Variants in STAT6 observed in about 807,000 individuals in gnomAD.
The protein encoded by STAT6 is signal transducer and activator of transcription 6.
A neutral mutation model predicts 106.3 loss-of-function variants in STAT6; 45 were observed. The observed-to-expected ratio is 0.42, with a 90% CI of 0.33 to 0.54. The LOEUF (loss-of-function observed/expected upper bound fraction) is 0.54. Among genes scored for constraint, STAT6 ranks in the 20% least tolerant of loss-of-function variants. The probability of loss-of-function intolerance (pLI) is 0.06; values close to 1 mark genes in which losing one functional copy is unlikely to be tolerated. For synonymous variants in STAT6, 413 were observed against 413.6 expected, an observed-to-expected ratio of 1.00 and a Z score of 0.02; for missense variants, 797 against 1,062.2, an observed-to-expected ratio of 0.75 and a Z score of 3.47.
chr12:57,105,000 G>A, intron 9 of STAT6, 151 bp downstream of exon 9: 2 of 1,205,610 alleles, frequency 1.7e-6, no homozygotes, highest in Admixed American at 2.3e-5. Flanking sequence ...GCCCTAAATG[G>A]GTCCCTCCCT....
intron 11 of STAT6, 72 bp downstream of exon 11, chr12:57,104,392 C>T: frequency 2.6e-6 from 4 of 1,552,114 alleles, no homozygotes; most frequent in Non-Finnish European, 3.5e-6. Flanking sequence ...GGTGAGGGTC[C>T]AGGGCCCTTG....
rs368586445 is a variant in STAT6 at position 57,099,909 on chromosome 12, C to G, written c.1608-6G>C. 8.7e-6 allele frequency: 14 copies of G among 1,613,960 alleles called. No individual in the cohort carries two copies. Among genetic ancestry groups the G allele is most frequent in the Non-Finnish European group, 1.1e-5 (13 of 1,180,028 alleles). The stretch of plus-strand genomic sequence containing the variant: ...TGATGAAGCCAATGATCAGCCTGGC[C>G]GGGATGAAGGAGAGGATGGGGCATG... On this transcript the variant is annotated splice_region_variant and splice_polypyrimidine_tract_variant and intron_variant, in intron 14 of 21. Transcript: ENST00000300134. The surrounding 1 kb of genome is among the most constrained non-coding windows in gnomAD (Gnocchi z 4.7).
intron 1 of STAT6, among the ~76,000 whole-genome samples, chr12:57,109,112 G>A (rs1425801223): frequency 6.6e-6 from 1 of 152,188 alleles, no homozygotes; most frequent in Non-Finnish European, 1.5e-5. Context: ...TGAGGTGACA[G>A]AATGGCGTGA....
At chr12:57,098,475 G>A (rs2136564350) in intron 19 of STAT6, 30 bp downstream of exon 19, 1 of 1,605,960 alleles carries the variant, frequency 6.2e-7, no homozygotes, top group East Asian at 2.2e-5. Context: ...CTTAGAGTGG[G>A]ATGGTATCCC....
chr12:57,096,416 A>G lies in STAT6; in HGVS notation c.*156T>C. On this transcript the variant is annotated 3_prime_UTR_variant, in exon 22 of 22. Transcript: ENST00000300134. ...AGTGGATTGGCTCCACCCACTGTGC[A>G]TTCTCCTGTTAGTCTTTTCCTCCTG... 1.4e-6 allele frequency: 1 copy of G among 692,854 alleles called. No individual in the cohort carries two copies. The highest frequency in any genetic ancestry group is 1.9e-5 in the South Asian group (1 of 51,398). The allele number at this position is 692,854 out of a possible 1,614,324, so 42.9% of individuals were successfully genotyped here.
chr12:57,100,694 A>G (rs201929875), intron 13 of STAT6, among the ~76,000 whole-genome samples: 79 of 28,968 alleles, frequency 2.7e-3, no homozygotes, highest in Admixed American at 0.017. Context: ...GAAAGAAAGA[A>G]AGAAAGAGAA....
rs764691306 is a variant in STAT6 at position 57,099,279 on chromosome 12, C to T, written c.1891+15G>A. The T allele has an allele frequency of 6.9e-5, 112 of 1,613,838 alleles. 3 individuals carry two copies. In the South Asian group the frequency reaches 1.2e-3, roughly 17 times the overall value. Reference sequence around the variant, plus strand: ...GGGTGACAGGAAGGAATCAGAGCTGCCAGTTCCAGCTCACGCTTGTAGTGG... The same window carrying T: ...GGGTGACAGGAAGGAATCAGAGCTGTCAGTTCCAGCTCACGCTTGTAGTGG... On this transcript the variant is annotated intron_variant, in intron 16 of 21. Transcript: ENST00000300134. The surrounding 1 kb of genome is among the most constrained non-coding windows in gnomAD (Gnocchi z 4.7).
Position 57,106,879 on chromosome 12 carries a change from C to T in STAT6, c.340-48G>A, listed in dbSNP as rs140327988. The T allele has an allele frequency of 8.7e-6, 14 of 1,607,308 alleles. No homozygotes were observed. In the African/African-American group the frequency reaches 1.9e-4, roughly 21 times the overall value. On this transcript the variant is annotated intron_variant, in intron 4 of 21. Coordinates refer to ENST00000300134, the MANE Select transcript of STAT6 (RefSeq NM_003153.5). Reference sequence around the variant, plus strand: ...AAGAAGTGAAACACTCTGCTCATCCCTCTATACCTGGCCTCCACTCTCTGC... The same window carrying T: ...AAGAAGTGAAACACTCTGCTCATCCTTCTATACCTGGCCTCCACTCTCTGC...
rs533440609 is a variant in STAT6, at chr12:57,103,195, C to T, written c.1213-274G>A. 7 of 256,600 alleles carry T rather than the reference C, an allele frequency of 2.7e-5. No homozygotes were observed. In the South Asian group the frequency reaches 2.9e-4, roughly 11 times the overall value. 15.9% of individuals were successfully genotyped at this position (256,600 alleles called of 1,614,324 possible). A position where few individuals can be genotyped will look rare whatever the true frequency, so the allele number is the denominator to read the frequency against. On this transcript the variant is annotated intron_variant, in intron 11 of 21. Coordinates refer to ENST00000300134, the MANE Select transcript of STAT6 (RefSeq NM_003153.5). The stretch of plus-strand genomic sequence containing the variant: ...TTTATTTATTTTTGAGACAGAGTCT[C>T]GCTCTGTCACTCAGGCTGGAGTGCA...
At chr12:57,105,117 C>A (rs757781511) in intron 9 of STAT6, 34 bp downstream of exon 9, 1 of 1,588,106 alleles carries the variant, frequency 6.3e-7, no homozygotes, top group Non-Finnish European at 8.6e-7. Context: ...ACCCTAACAG[C>A]CCTTCTCCAA....
Position 57,106,822 on chromosome 12 carries a change from A to G in STAT6, c.349T>C (p.Leu117=). The part of the protein sequence containing the change: ...KKAVMEQFRH[L]PMPFHWKQEE... Reference sequence around the variant, plus strand: ...TGCTTCCAGTGGAAAGGCATTGGCAAGTGGCGGAACTACACAGGAAGGACA... The same window carrying G: ...TGCTTCCAGTGGAAAGGCATTGGCAGGTGGCGGAACTACACAGGAAGGACA... Residue 117 remains leucine, a synonymous_variant, in exon 5 of 22, where the codon TTG becomes CTG. Transcript: ENST00000300134. 6.2e-7 allele frequency: 1 copy of G among 1,613,890 alleles called. No individual in the cohort carries two copies.
chr12:57,101,837 G>A (rs1379143683), intron 13 of STAT6, among the ~76,000 whole-genome samples: 1 of 146,642 alleles, frequency 6.8e-6, no homozygotes, highest in African/African-American at 2.5e-5. Flanking sequence ...GCTAATTTTT[G>A]TATTTTTAGT....
Position 57,106,835 on chromosome 12 carries a change from C to T in STAT6, c.340-4G>A. On this transcript the variant is annotated splice_region_variant and splice_polypyrimidine_tract_variant and intron_variant, in intron 4 of 21. Coordinates refer to ENST00000300134, the MANE Select transcript of STAT6 (RefSeq NM_003153.5). ...AAGGCATTGGCAAGTGGCGGAACTACACAGGAAGGACAGATGCCAAGAAGT... is the reference window on the plus strand; with the variant it reads ...AAGGCATTGGCAAGTGGCGGAACTATACAGGAAGGACAGATGCCAAGAAGT... 2 of 1,613,594 alleles carry T rather than the reference C, an allele frequency of 1.2e-6. No homozygotes were observed. The highest frequency in any genetic ancestry group is 1.6e-4 in the Middle Eastern group (1 of 6,062).
At chr12:57,106,904 C>T in intron 4 of STAT6, 73 bp from the exon 5 acceptor site, 1 of 1,588,284 alleles carries the variant, frequency 6.3e-7, no homozygotes, top group Non-Finnish European at 8.5e-7. Context: ...CCACTCTCTG[C>T]TCTGCAGATA....
In STAT6 at chr12:57,105,212, C is replaced by T. The variant is rs764447812; in HGVS notation, c.940G>A (p.Asp314Asn). Residue 314 changes from aspartate (D) to asparagine (N), a missense_variant, in exon 9 of 22, where the codon GAC becomes AAC. Physicochemically the swap from Asp to Asn is conservative, Grantham distance 23. Around this residue, in one of 4 missense-constraint regions of STAT6, gnomAD observed 336 missense variants for 429.8 expected, o/e 0.78. Transcript: ENST00000300134. ...CGCGCCTGCTTCTCTGTCACCATGT[C>T]GGCCCTGACCAGCGGAGGCTTGGCT... Reference protein sequence around the residue: ...APAKPPLVRADMVTEKQAREL... With the variant: ...APAKPPLVRANMVTEKQAREL... 8.1e-6 allele frequency: 13 copies of T among 1,613,936 alleles called. No individual in the cohort carries two copies. In the Admixed American group the frequency reaches 1.2e-4, roughly 14 times the overall value.
intron 4 of STAT6, among the ~76,000 whole-genome samples, 178 bp downstream of exon 4, chr12:57,107,053 A>T (rs1401552986): frequency 2.0e-5 from 3 of 152,116 alleles, no homozygotes; most frequent in Non-Finnish European, 4.4e-5. Context: ...TCAGTCCCTC[A>T]TAGAAAGATT....
chr12:57,102,758 C>A, intron 12 of STAT6, 71 bp downstream of exon 12: 1 of 1,281,356 alleles, frequency 7.8e-7, no homozygotes, highest in Non-Finnish European at 1.1e-6. Context: ...ACCCCATCAG[C>A]AGGCCTGCAC....
intron 19 of STAT6, 182 bp from the exon 20 acceptor site, chr12:57,097,315 G>A (rs943253146): frequency 1.1e-5 from 5 of 444,438 alleles, no homozygotes; most frequent in Admixed American, 4.2e-5. Context: ...GCGTGTTATG[G>A]GGGTGGATTA....
At position 57,102,282 on chromosome 12, in the gene STAT6, A is replaced by G. The variant is rs2033978657; in HGVS notation, c.1512+8T>C. On this transcript the variant is annotated splice_region_variant and intron_variant, in intron 13 of 21. Transcript: ENST00000300134. ...GGGGGTGGGAGGTCCAAAGGGCAGG[A>G]GAATGACCTTGTTGAACTGCGACCA... The G allele has an allele frequency of 1.2e-6, 2 of 1,613,840 alleles. No homozygotes were observed. The highest frequency in any genetic ancestry group is 1.7e-5 in the Admixed American group (1 of 59,992).
Sources: allele counts gnomAD v4.1 joint callset (sites outside exome capture counted in the v4.1 genomes callset), GRCh38; gene constraint gnomAD v4.1.1; regional missense constraint gnomAD v4.1.1; non-coding constraint Gnocchi (gnomAD v3.1); transcripts MANE v1.5; gene names NCBI Gene and HGNC (gene_info 2026-07-23, HGNC 2026-07-21).